Variants in COL4A5 observed in about 807,000 individuals in gnomAD.
COL4A5 encodes collagen type IV alpha 5 chain.
Under a neutral mutation model 130.2 loss-of-function variants are expected in COL4A5, and 26 were observed. That is an observed-to-expected ratio of 0.20 (90% confidence interval 0.15 to 0.28). The LOEUF (loss-of-function observed/expected upper bound fraction) is 0.28. Among genes scored for constraint, COL4A5 ranks in the 10% least tolerant of loss-of-function variants. The pLI is 1.00. For synonymous variants in COL4A5, 496 were observed against 439.6 expected, an observed-to-expected ratio of 1.13 and a Z score of -1.60; for missense variants, 1,131 against 1,344.3, an observed-to-expected ratio of 0.84 and a Z score of 2.48.
chrX:108,637,729 T>G (rs1362433492), intron 36 of COL4A5, among the ~76,000 whole-genome samples: 2 of 111,687 alleles, frequency 1.8e-5, no homozygotes, highest in Non-Finnish European at 3.8e-5. Flanking sequence ...CTACCAAGAC[T>G]GAATCATAGA....
At chrX:108,483,149 G>A (rs923620577) in intron 1 of COL4A5, among the ~76,000 whole-genome samples, 6 of 110,279 alleles carry the variant, frequency 5.4e-5, no homozygotes, top group African/African-American at 9.9e-5. Flanking sequence ...ACCACTCCTC[G>A]TACCAGAATC....
intron 1 of COL4A5, among the ~76,000 whole-genome samples, chrX:108,475,537 G>T (rs747183981): frequency 1.8e-5 from 2 of 111,365 alleles, no homozygotes; most frequent in Non-Finnish European, 3.8e-5. Flanking sequence ...TAGTGGGAAG[G>T]CATTCAGTCT....
At chrX:108,586,492 T>C (rs1483777800) in intron 18 of COL4A5, 123 bp from the exon 19 acceptor site, 3 of 658,704 alleles carry the variant, frequency 4.6e-6, no homozygotes, top group Non-Finnish European at 7.1e-6. Context: ...TGATACAAAA[T>C]GTGACTCATA....
At chrX:108,689,497 T>A in intron 49 of COL4A5, 1 of 753,273 alleles carries the variant, frequency 1.3e-6, no homozygotes, top group African/African-American at 2.3e-5. Flanking sequence ...ACAATCAGAT[T>A]TGGAATCTAT....
chrX:108,544,306 C>T (rs887556950), intron 2 of COL4A5, among the ~76,000 whole-genome samples: 5 of 112,046 alleles, frequency 4.5e-5, no homozygotes, highest in African/African-American at 1.6e-4. Flanking sequence ...TTATTAAGAG[C>T]TTTTAGCCTG....
At chrX:108,449,787 T>TA (rs1252659081) in intron 1 of COL4A5, among the ~76,000 whole-genome samples, 1 of 111,599 alleles carries the variant, frequency 9.0e-6, no homozygotes, top group African/African-American at 3.3e-5. Context: ...ACAAGGGCAC[T>TA]AATCTCATTC....
At chrX:108,620,981 G>A (rs979459276) in intron 31 of COL4A5, among the ~76,000 whole-genome samples, 2 of 110,339 alleles carry the variant, frequency 1.8e-5, no homozygotes, top group African/African-American at 6.6e-5. Flanking sequence ...AGGTAGAAGC[G>A]GCAAGATTTC....
intron 49 of COL4A5, chrX:108,689,517 C>T: frequency 1.3e-6 from 1 of 754,086 alleles, no homozygotes; most frequent in Non-Finnish European, 1.6e-6. Flanking sequence ...TAAACTGGCC[C>T]TGACTCTGGT....
chrX:108,613,532 G>A (rs751664735), intron 29 of COL4A5, among the ~76,000 whole-genome samples: 1 of 111,733 alleles, frequency 8.9e-6, no homozygotes, highest in Non-Finnish European at 1.9e-5. Flanking sequence ...TCTGACAAAG[G>A]ACTTATAAGC....
chrX:108,484,734 G>A (rs1169064268), intron 1 of COL4A5, among the ~76,000 whole-genome samples: 1 of 112,754 alleles, frequency 8.9e-6, no homozygotes, highest in Non-Finnish European at 1.9e-5. Context: ...CCCTGGGATT[G>A]TGCTGGGTCA....
intron 36 of COL4A5, among the ~76,000 whole-genome samples, chrX:108,640,348 GAGAC>G (rs905941669): frequency 9.0e-6 from 1 of 111,619 alleles, no homozygotes; most frequent in Non-Finnish European, 1.9e-5. Context: ...CAATTTCATA[GAGAC>G]AGAAGGTAGA....
intron 1 of COL4A5, among the ~76,000 whole-genome samples, chrX:108,455,029 A>T (rs988191449): frequency 2.7e-5 from 3 of 112,332 alleles, no homozygotes; most frequent in Non-Finnish European, 3.8e-5. Context: ...CCATCACAAC[A>T]TTCAAGATAA....
intron 43 of COL4A5, among the ~76,000 whole-genome samples, chrX:108,677,270 T>C (rs1223182004): frequency 8.9e-6 from 1 of 112,320 alleles, no homozygotes; most frequent in East Asian, 2.8e-4. Context: ...TTATTGAATT[T>C]AATATATAAT....
intron 47 of COL4A5, among the ~76,000 whole-genome samples, chrX:108,685,332 C>A (rs1004123080): frequency 8.9e-6 from 1 of 112,101 alleles, no homozygotes; most frequent in East Asian, 2.8e-4. Flanking sequence ...TAGTAGAATA[C>A]CAGACCACCA....
intron 2 of COL4A5, among the ~76,000 whole-genome samples, chrX:108,545,951 C>T (rs1210645633): frequency 2.9e-4 from 32 of 110,529 alleles, no homozygotes; most frequent in African/African-American, 1.1e-3. Context: ...TTTTGTTTTC[C>T]ATTTGCTTGG....
intron 47 of COL4A5, among the ~76,000 whole-genome samples, chrX:108,682,479 C>T (rs2068452314): frequency 8.9e-6 from 1 of 111,939 alleles, no homozygotes; most frequent in South Asian, 3.7e-4. Flanking sequence ...CTGTCTTCCA[C>T]AATGGTTGAA....
intron 52 of COL4A5, 140 bp downstream of exon 52, chrX:108,695,579 C>G: frequency 4.5e-6 from 3 of 666,439 alleles, no homozygotes; most frequent in Non-Finnish European, 7.0e-6. Flanking sequence ...GCTTGTTCTT[C>G]TCATATACAT....
chrX:108,583,073 C>G lies in COL4A5; in HGVS notation c.990+136C>G, dbSNP rs777184568. ...TTCAAAATATGCCTTCTTTATTCAT[C>G]TTTTGCTCATTTTTCTTTTATACCA... On this transcript the variant is annotated intron_variant, in intron 17 of 52. Transcript: ENST00000328300. 11 of 521,629 alleles carry G rather than the reference C, an allele frequency of 2.1e-5. 1 individual carries two copies. Among genetic ancestry groups the G allele is most frequent in the South Asian group, 1.4e-4 (5 of 35,481 alleles). 43.0% of individuals were successfully genotyped at this position (521,629 alleles called of 1,213,427 possible).
intron 30 of COL4A5, among the ~76,000 whole-genome samples, chrX:108,616,192 C>T (rs1188955918): frequency 9.1e-6 from 1 of 109,940 alleles, no homozygotes; most frequent in African/African-American, 3.3e-5. Context: ...GGAAAAAGCA[C>T]TTATTTTTAG....
Sources: allele counts gnomAD v4.1 joint callset (sites outside exome capture counted in the v4.1 genomes callset), GRCh38; gene constraint gnomAD v4.1.1; transcripts MANE v1.5; gene names NCBI Gene and HGNC (gene_info 2026-07-23, HGNC 2026-07-21).